Variants in PCDHA8 observed in about 807,000 individuals in gnomAD.
PCDHA8 encodes the protein protocadherin alpha 8.
Under a neutral mutation model 61.8 loss-of-function variants are expected in PCDHA8, and 53 were observed. The ratio of observed to expected loss-of-function variants is 0.86; its 90% CI spans 0.69 to 1.08. The LOEUF is 1.08. Among genes scored for constraint, PCDHA8 ranks in the 50% least tolerant of loss-of-function variants. The pLI is 0.00. For synonymous variants in PCDHA8, 618 were observed against 556.6 expected, an observed-to-expected ratio of 1.11 and a Z score of -1.55; for missense variants, 1,293 against 1,245.0, an observed-to-expected ratio of 1.04 and a Z score of -0.58.
chr5:140,849,596 A>G, intron 1 of PCDHA8: 1 of 1,598,768 alleles, frequency 6.3e-7, no homozygotes, highest in Non-Finnish European at 8.6e-7. Flanking sequence ...AACTGGGGAC[A>G]GTTATTGCCC....
At position 140,842,761 on chromosome 5, in the gene PCDHA8, A is replaced by G. The variant is rs200442158; in HGVS notation, c.1440A>G (p.Arg480=). ...PGCHIFTVSA[R]DADAQENALV... is the part of the protein sequence containing the mutation. ...GCCACATCTTCACGGTGTCTGCGCG[A>G]GACGCGGACGCGCAGGAGAACGCGC... Residue 480 remains arginine (R), a synonymous_variant, in exon 1 of 4, where the codon CGA becomes CGG. Coordinates refer to ENST00000531613, the MANE Select transcript of PCDHA8 (RefSeq NM_018911.3). 1.6e-5 allele frequency: 26 copies of G among 1,594,610 alleles called. 2 individuals are homozygous for G. The highest frequency in any genetic ancestry group is 4.5e-5 in the East Asian group (2 of 44,836).
intron 1 of PCDHA8, among the ~76,000 whole-genome samples, chr5:140,923,319 A>G (rs1004006693): frequency 1.1e-4 from 16 of 152,264 alleles, no homozygotes; most frequent in African/African-American, 3.9e-4. Flanking sequence ...TTGGCCTAGA[A>G]GTTCAAGGAC....
intron 1 of PCDHA8, chr5:140,927,658 C>G (rs782350503): frequency 6.2e-7 from 1 of 1,614,094 alleles, no homozygotes; most frequent in East Asian, 2.2e-5. Context: ...ATTCCGAGTT[C>G]AAGCCTTGGA....
Position 140,966,881 on chromosome 5 carries a change from C to T in PCDHA8, c.2395-12068C>T, listed in dbSNP as rs2096065304. 4.4e-6 allele frequency: 7 copies of T among 1,588,952 alleles called. No individual in the cohort carries two copies. In the South Asian group the frequency reaches 6.7e-5, roughly 15 times the overall value. ...GCTGTTGCTGCTGCTGCTACCTGGC[C>T]CTGCGGCCTCCCAGCTGCGATACTC... On this transcript the variant is annotated intron_variant, in intron 1 of 3. Coordinates refer to ENST00000531613, the MANE Select transcript of PCDHA8 (RefSeq NM_018911.3).
chr5:140,938,455 T>C (rs1317742854), intron 1 of PCDHA8, among the ~76,000 whole-genome samples: 1 of 152,196 alleles, frequency 6.6e-6, no homozygotes, highest in East Asian at 1.9e-4. Flanking sequence ...TTCCCTTTGT[T>C]TTTTAATTTA....
chr5:140,988,675 A>C (rs574653772), intron 3 of PCDHA8, among the ~76,000 whole-genome samples: 1 of 152,228 alleles, frequency 6.6e-6, no homozygotes, highest in East Asian at 1.9e-4. Context: ...ACTCTAAGAT[A>C]ATTCTTTCCC....
At chr5:140,997,141 C>T (rs941650589) in intron 3 of PCDHA8, among the ~76,000 whole-genome samples, 6 of 152,088 alleles carry the variant, frequency 3.9e-5, no homozygotes, top group Admixed American at 2.6e-4. Flanking sequence ...CCCACACCCC[C>T]GCCACAGTGA....
chr5:140,979,619 G>A (rs1344525241), intron 2 of PCDHA8, among the ~76,000 whole-genome samples: 1 of 152,164 alleles, frequency 6.6e-6, no homozygotes, highest in African/African-American at 2.4e-5. Context: ...AACGGTATTA[G>A]TCTAAGACTC....
chr5:140,882,226 G>T, intron 1 of PCDHA8: 1 of 1,564,150 alleles, frequency 6.4e-7, no homozygotes, highest in Admixed American at 1.9e-5. Context: ...GAGGTAAGGC[G>T]TTGTATATAT....
intron 1 of PCDHA8, chr5:140,849,831 G>A (rs2041164266): frequency 6.3e-7 from 1 of 1,598,450 alleles, no homozygotes; most frequent in African/African-American, 1.3e-5. Context: ...TGTGGAGGTG[G>A]CCGACGTGAA....
rs2042367518 is a variant in PCDHA8 at position 140,852,542 on chromosome 5, C to T, written c.2394+8827C>T. Reference sequence around the variant, plus strand: ...GCTCCCACCTCGGCCTCCCAAAGTGCTGGGATTAAAGCTGTGAGCCACTGT... The same window carrying T: ...GCTCCCACCTCGGCCTCCCAAAGTGTTGGGATTAAAGCTGTGAGCCACTGT... On this transcript the variant is annotated intron_variant, in intron 1 of 3. Transcript: ENST00000531613. 35 of 557,808 alleles carry T rather than the reference C, an allele frequency of 6.3e-5. 3 individuals are homozygous for T. The highest frequency in any genetic ancestry group is 8.0e-5 in the Non-Finnish European group (34 of 426,308). 34.6% of individuals were successfully genotyped at this position (557,808 alleles called of 1,614,324 possible).
chr5:140,932,493 T>C (rs148938081), intron 1 of PCDHA8, among the ~76,000 whole-genome samples: 1 of 151,888 alleles, frequency 6.6e-6, no homozygotes, highest in Non-Finnish European at 1.5e-5. Flanking sequence ...CTTTGCAATG[T>C]CATTTGTTAA....
intron 1 of PCDHA8, among the ~76,000 whole-genome samples, chr5:140,965,818 A>G (rs1554227859): frequency 2.6e-5 from 4 of 152,344 alleles, no homozygotes; most frequent in African/African-American, 9.6e-5. Flanking sequence ...AGAGCATTTT[A>G]AACATTTAAA....
In PCDHA8 at chr5:140,844,186, T is replaced by G. The variant is rs1779260414; in HGVS notation, c.2394+471T>G. ...CTTTAAGATCTCGGTTTATTCATCT[T>G]ATCTGACTTTTTAGTGTCTGGTAGT... On this transcript the variant is annotated intron_variant, in intron 1 of 3. Transcript: ENST00000531613. Among the ~76,000 whole-genome samples, 2 of 149,872 alleles carry G rather than the reference T, an allele frequency of 1.3e-5. 1 individual carries two copies. Among genetic ancestry groups the G allele is most frequent in the Admixed American group, 1.3e-4 (2 of 14,948 alleles).
At chr5:140,872,606 AT>A (rs1302987061) in intron 1 of PCDHA8, among the ~76,000 whole-genome samples, 2 of 151,888 alleles carry the variant, frequency 1.3e-5, no homozygotes, top group African/African-American at 2.4e-5. Flanking sequence ...TGAAAAAATA[AT>A]TTTTTTTGCC....
At chr5:140,888,610 A>G (rs1180344966) in intron 1 of PCDHA8, among the ~76,000 whole-genome samples, 1 of 152,210 alleles carries the variant, frequency 6.6e-6, no homozygotes, top group African/African-American at 2.4e-5. Context: ...CTTTTAGTGT[A>G]GCACTAATTC....
intron 3 of PCDHA8, among the ~76,000 whole-genome samples, chr5:140,987,213 CAA>C (rs58319157): frequency 9.3e-5 from 11 of 118,826 alleles, no homozygotes; most frequent in African/African-American, 1.6e-4. Flanking sequence ...GACTCCATCT[CAA>C]AAAAAAAAAA....
At chr5:140,915,710 C>T (rs2077269471) in intron 1 of PCDHA8, among the ~76,000 whole-genome samples, 1 of 151,918 alleles carries the variant, frequency 6.6e-6, no homozygotes, top group South Asian at 2.1e-4. Flanking sequence ...ACTCCTGTGG[C>T]CCCCACTTTG....
At chr5:140,967,957 C>A in intron 1 of PCDHA8, 1 of 1,614,222 alleles carries the variant, frequency 6.2e-7, no homozygotes, top group Admixed American at 1.7e-5. Context: ...CAGGCCCCAA[C>A]CGGAAAGTGA....
Sources: allele counts gnomAD v4.1 joint callset (sites outside exome capture counted in the v4.1 genomes callset), GRCh38; gene constraint gnomAD v4.1.1; transcripts MANE v1.5; gene names NCBI Gene and HGNC (gene_info 2026-07-23, HGNC 2026-07-21).